The following FOXP2 variants were observed in gnomAD, a reference collection of about 807,000 sequenced individuals.
FOXP2 encodes forkhead box protein P2.
FOXP2 carries 12 observed loss-of-function variants against 115.8 expected under a neutral mutation model. That is an observed-to-expected ratio of 0.10 (90% CI 0.07 to 0.17). FOXP2 has a LOEUF of 0.17. FOXP2 is among the 10% of genes least tolerant of loss of function. The probability of loss-of-function intolerance (pLI) is 1.00; values close to 1 mark genes in which losing one functional copy is unlikely to be tolerated. For synonymous variants in FOXP2, 328 were observed against 297.7 expected (o/e 1.10, Z -1.05); for missense variants, 629 against 843.5 (o/e 0.75, Z 3.15).
intron 1 of FOXP2, among the ~76,000 whole-genome samples, chr7:114,190,365 G>A (rs117881748): frequency 6.6e-6 from 1 of 152,288 alleles, no homozygotes; most frequent in Non-Finnish European, 1.5e-5. Context: ...AAAGGCCAAG[G>A]AAGGATAAAT....
intron 3 of FOXP2, among the ~76,000 whole-genome samples, chr7:114,581,434 G>C (rs1048862653): frequency 5.3e-5 from 8 of 151,954 alleles, no homozygotes; most frequent in Non-Finnish European, 1.5e-5. Context: ...GAGCCACTGT[G>C]CCTGGCCATC....
intron 1 of FOXP2, among the ~76,000 whole-genome samples, chr7:114,271,605 AAT>A (rs1796046784): frequency 8.1e-6 from 1 of 124,022 alleles, no homozygotes; most frequent in African/African-American, 3.1e-5. Flanking sequence ...ATATAATATT[AAT>A]ATATAATAAA....
At chr7:114,121,608 G>A (rs1205943608) in intron 1 of FOXP2, among the ~76,000 whole-genome samples, 1 of 152,032 alleles carries the variant, frequency 6.6e-6, no homozygotes, top group Non-Finnish European at 1.5e-5. Flanking sequence ...AATAAACCAT[G>A]TCTGTACGAC....
intron 2 of FOXP2, among the ~76,000 whole-genome samples, chr7:114,435,109 C>A (rs1794280671): frequency 6.6e-6 from 1 of 152,110 alleles, no homozygotes; most frequent in African/African-American, 2.4e-5. Flanking sequence ...TCTGCTTATT[C>A]ATTAGGTTCA....
chr7:114,309,602 G>A (rs931588000), intron 2 of FOXP2, among the ~76,000 whole-genome samples: 1 of 152,108 alleles, frequency 6.6e-6, no homozygotes, highest in African/African-American at 2.4e-5. Flanking sequence ...CTTTAGGAAT[G>A]ACTCAAGATT....
intron 2 of FOXP2, among the ~76,000 whole-genome samples, chr7:114,293,005 A>G (rs567361170): frequency 6.6e-6 from 1 of 152,200 alleles, no homozygotes; most frequent in African/African-American, 2.4e-5. Context: ...GTGAGAATCC[A>G]TTACAACTTA....
At chr7:114,478,912 T>A (rs2129235730) in intron 2 of FOXP2, among the ~76,000 whole-genome samples, 1 of 151,838 alleles carries the variant, frequency 6.6e-6, no homozygotes, top group South Asian at 2.1e-4. Context: ...AAAGGCTTGT[T>A]ACATCTAGAT....
intron 2 of FOXP2, among the ~76,000 whole-genome samples, chr7:114,357,278 G>A (rs1239281901): frequency 6.6e-6 from 1 of 152,170 alleles, no homozygotes; most frequent in Non-Finnish European, 1.5e-5. Flanking sequence ...AGTAAGTTAA[G>A]TAATTACAGA....
At chr7:114,612,496 A>G (rs1318143387) in intron 3 of FOXP2, among the ~76,000 whole-genome samples, 1 of 117,390 alleles carries the variant, frequency 8.5e-6, no homozygotes, top group African/African-American at 3.9e-5. Context: ...GCTCAGTAAG[A>G]GTTCAGATAA....
At chr7:114,537,811 T>C (rs1327708948) in intron 3 of FOXP2, among the ~76,000 whole-genome samples, 1 of 151,634 alleles carries the variant, frequency 6.6e-6, no homozygotes, top group African/African-American at 2.4e-5. Flanking sequence ...AAACACCAAT[T>C]GAATAGGTGC....
chr7:114,647,569 G>T (rs1390176668), intron 8 of FOXP2, among the ~76,000 whole-genome samples: 1 of 151,858 alleles, frequency 6.6e-6, no homozygotes, highest in Non-Finnish European at 1.5e-5. Flanking sequence ...GGATAAAAAA[G>T]TGTTGAGGAA....
chr7:114,426,637 T>C lies in FOXP2; in HGVS notation c.126T>C (p.Ser42=). 6.2e-7 allele frequency: 1 copy of C among 1,611,514 alleles called. No individual in the cohort carries two copies. Among genetic ancestry groups the C allele is most frequent in the South Asian group, 1.1e-5 (1 of 91,044 alleles). The change falls in exon 2 of 17, where the codon TCT becomes TCC. Residue 42 remains serine (S), a synonymous_variant. Coordinates refer to ENST00000350908, the MANE Select transcript of FOXP2 (RefSeq NM_014491.4). ...GAAGATCAAGTGGTGACACCAGCTC[T>C]GAAGTAAGCACAGTAGAACTGCTGC... ...RDGRSSGDTS[S]EVSTVELLHL... is the part of the protein sequence containing the mutation.
At chr7:114,568,927 G>A (rs1462498710) in intron 3 of FOXP2, among the ~76,000 whole-genome samples, 1 of 151,876 alleles carries the variant, frequency 6.6e-6, no homozygotes, top group Non-Finnish European at 1.5e-5. Flanking sequence ...AACATGTTTT[G>A]TTAATGCTGG....
intron 2 of FOXP2, among the ~76,000 whole-genome samples, chr7:114,351,100 G>C (rs967702891): frequency 6.6e-6 from 1 of 152,094 alleles, no homozygotes; most frequent in Non-Finnish European, 1.5e-5. Flanking sequence ...AATATTTTCT[G>C]TCCACGGTTT....
intron 1 of FOXP2, among the ~76,000 whole-genome samples, chr7:114,103,231 C>A (rs550302736): frequency 3.9e-5 from 6 of 151,992 alleles, no homozygotes; most frequent in Non-Finnish European, 8.8e-5. Context: ...TAAGTCAGGA[C>A]ATGGGTAGCC....
At chr7:114,251,023 A>T (rs1285799177) in intron 1 of FOXP2, among the ~76,000 whole-genome samples, 2 of 152,214 alleles carry the variant, frequency 1.3e-5, no homozygotes, top group South Asian at 2.1e-4. Flanking sequence ...ATGGCTAGCC[A>T]GTTTTCCCAG....
chr7:114,628,810 A>T, intron 4 of FOXP2, 133 bp downstream of exon 4: 1 of 1,068,632 alleles, frequency 9.4e-7, no homozygotes, highest in Non-Finnish European at 1.4e-6. Flanking sequence ...TAGAACATAA[A>T]TGTAACATTT....
chr7:114,544,086 G>A (rs1799808042), intron 3 of FOXP2, among the ~76,000 whole-genome samples: 3 of 151,934 alleles, frequency 2.0e-5, no homozygotes, highest in African/African-American at 7.3e-5. Context: ...TAAATCCTGG[G>A]CTCAAGTGAT....
chr7:114,635,789 G>A (rs905685953), intron 6 of FOXP2, among the ~76,000 whole-genome samples: 5 of 151,928 alleles, frequency 3.3e-5, no homozygotes, highest in Middle Eastern at 6.8e-3. Context: ...AGGAAGACTC[G>A]AAAGCAGTGT....
Sources: allele counts gnomAD v4.1 joint callset (sites outside exome capture counted in the v4.1 genomes callset), GRCh38; gene constraint gnomAD v4.1.1; transcripts MANE v1.5; gene names NCBI Gene and HGNC (gene_info 2026-07-23, HGNC 2026-07-21).